Variants in TBC1D12 observed in about 807,000 individuals in gnomAD.
The protein encoded by TBC1D12 is TBC1 domain family member 12, also known as TBC1 domain family, member 12.
Under a neutral mutation model 86.7 loss-of-function variants are expected in TBC1D12, and 56 were observed. The ratio of observed to expected loss-of-function variants is 0.65; its 90% CI spans 0.52 to 0.81. The LOEUF is 0.81. Ranked by LOEUF, TBC1D12 falls within the 30% of genes least tolerant of loss-of-function variation. The pLI is 0.00. For missense variants in TBC1D12, 1,023 were observed against 1,038.8 expected (o/e 0.98, Z 0.21); for synonymous variants, 421 against 411.7 (o/e 1.02, Z -0.27).
At chr10:94,504,972 C>G (rs890540226) in intron 6 of TBC1D12, among the ~76,000 whole-genome samples, 4 of 152,136 alleles carry the variant, frequency 2.6e-5, no homozygotes, top group African/African-American at 7.2e-5. Context: ...TCAAAGTGAA[C>G]TGAGATGCAG....
Position 94,505,149 on chromosome 10 carries a change from G to A in TBC1D12, c.1520-2118G>A, listed in dbSNP as rs544634735. On this transcript the variant is annotated intron_variant, in intron 6 of 12. Coordinates refer to ENST00000225235, the MANE Select transcript of TBC1D12 (RefSeq NM_015188.2). Reference sequence around the variant, plus strand: ...AAAATTTGGGTATAATATTGAAGCTGACTGTCTTAGAACCAGTTTGAATTT... The same window carrying A: ...AAAATTTGGGTATAATATTGAAGCTAACTGTCTTAGAACCAGTTTGAATTT... Among the ~76,000 whole-genome samples, 5 of 152,202 alleles carry A rather than the reference G, an allele frequency of 3.3e-5. No individual in the cohort carries two copies. The South Asian group carries it at 8.3e-4, about 25-fold the overall frequency.
chr10:94,476,196 C>T (rs1428882864), intron 3 of TBC1D12, among the ~76,000 whole-genome samples: 1 of 151,854 alleles, frequency 6.6e-6, no homozygotes, highest in Non-Finnish European at 1.5e-5. Context: ...TTTTTCTACC[C>T]ATTTTCCTGA....
chr10:94,513,336 G>T (rs1319129069), intron 9 of TBC1D12, among the ~76,000 whole-genome samples: 1 of 151,686 alleles, frequency 6.6e-6, no homozygotes, highest in Non-Finnish European at 1.5e-5. Flanking sequence ...CAGGAAGATC[G>T]CTTGAGCCCA....
At chr10:94,450,514 A>G (rs1349246103) in intron 2 of TBC1D12, among the ~76,000 whole-genome samples, 1 of 152,140 alleles carries the variant, frequency 6.6e-6, no homozygotes, top group East Asian at 1.9e-4. Flanking sequence ...AAGGCTCATT[A>G]GCCACGAGGC....
intron 2 of TBC1D12, among the ~76,000 whole-genome samples, chr10:94,469,192 A>G (rs2055866295): frequency 6.6e-6 from 1 of 152,188 alleles, no homozygotes; most frequent in Admixed American, 6.5e-5. Context: ...TACATCCAAC[A>G]AAGAGACCTT....
chr10:94,509,779 A>G (rs958382139), intron 7 of TBC1D12: 1 of 290,720 alleles, frequency 3.4e-6, no homozygotes, highest in Non-Finnish European at 6.4e-6. Flanking sequence ...TAGCTCTCTG[A>G]TGATTTTTTA....
intron 2 of TBC1D12, among the ~76,000 whole-genome samples, chr10:94,467,105 A>C (rs1042379233): frequency 2.6e-5 from 4 of 152,210 alleles, no homozygotes; most frequent in African/African-American, 9.7e-5. Flanking sequence ...CTGCCACTGC[A>C]GTTTGCAGTC....
chr10:94,468,184 A>G (rs1410873517), intron 2 of TBC1D12, among the ~76,000 whole-genome samples: 1 of 152,202 alleles, frequency 6.6e-6, no homozygotes, highest in African/African-American at 2.4e-5. Flanking sequence ...GCTTATTTAC[A>G]TTTACCAGTA....
intron 6 of TBC1D12, among the ~76,000 whole-genome samples, chr10:94,506,383 A>C (rs1277318532): frequency 6.6e-6 from 1 of 152,220 alleles, no homozygotes; most frequent in Non-Finnish European, 1.5e-5. Flanking sequence ...ATTACCTTTA[A>C]AAATGAATAA....
At chr10:94,445,197 A>G (rs2055442836) in intron 2 of TBC1D12, among the ~76,000 whole-genome samples, 1 of 151,472 alleles carries the variant, frequency 6.6e-6, no homozygotes, top group Admixed American at 6.6e-5. Flanking sequence ...CGTCTCTACT[A>G]AAAATATAAA....
chr10:94,477,847 G>C (rs2056015275), intron 3 of TBC1D12, among the ~76,000 whole-genome samples: 1 of 152,196 alleles, frequency 6.6e-6, no homozygotes, highest in Non-Finnish European at 1.5e-5. Context: ...GTGGGGTCTA[G>C]ACCATGTGGG....
chr10:94,422,963 T>C (rs911235681), intron 1 of TBC1D12, among the ~76,000 whole-genome samples: 1 of 152,162 alleles, frequency 6.6e-6, no homozygotes, highest in Admixed American at 6.5e-5. Context: ...GGCTGGGCAC[T>C]GTGGCTCAAG....
At chr10:94,458,379 T>C (rs1330202154) in intron 2 of TBC1D12, among the ~76,000 whole-genome samples, 1 of 152,168 alleles carries the variant, frequency 6.6e-6, no homozygotes, top group African/African-American at 2.4e-5. Flanking sequence ...TTGACCTTGT[T>C]CCTCTCATCC....
chr10:94,423,226 G>A (rs1035474137), intron 1 of TBC1D12, among the ~76,000 whole-genome samples: 3 of 152,042 alleles, frequency 2.0e-5, no homozygotes, highest in African/African-American at 4.8e-5. Flanking sequence ...TCCAAGAGAT[G>A]CTTGGTTTTT....
chr10:94,403,517 G>C lies in TBC1D12; in HGVS notation c.904G>C (p.Glu302Gln). ...GCCGCCGGTGCCCTTGCCCGCCGCG[G>C]AGCAGGGTCCTGCGGGGGCTTCGGC... ...AGPPVPLPAA[E>Q]QGPAGASARA... Residue 302 changes from glutamate (E) to glutamine (Q), a missense_variant, in exon 1 of 13, where the codon GAG becomes CAG. Transcript: ENST00000225235. 3 of 1,563,124 alleles carry C rather than the reference G, an allele frequency of 1.9e-6. No individual in the cohort carries two copies. The highest frequency in any genetic ancestry group is 2.6e-6 in the Non-Finnish European group (3 of 1,159,100).
At chr10:94,433,079 C>T (rs992249350) in intron 1 of TBC1D12, among the ~76,000 whole-genome samples, 4 of 152,038 alleles carry the variant, frequency 2.6e-5, no homozygotes, top group African/African-American at 9.7e-5. Flanking sequence ...GTGGTGTGCA[C>T]CCATAGTCCC....
chr10:94,465,755 T>G (rs948242293), intron 2 of TBC1D12, among the ~76,000 whole-genome samples: 1 of 150,816 alleles, frequency 6.6e-6, no homozygotes. Context: ...CATACATATG[T>G]ATACATACAT....
intron 2 of TBC1D12, among the ~76,000 whole-genome samples, chr10:94,444,464 C>T (rs753948389): frequency 2.6e-5 from 4 of 151,940 alleles, no homozygotes; most frequent in Non-Finnish European, 5.9e-5. Flanking sequence ...TAACGTCTCT[C>T]GTCTAGAATG....
intron 11 of TBC1D12, among the ~76,000 whole-genome samples, 165 bp downstream of exon 11, chr10:94,522,618 A>G (rs1842179317): frequency 6.6e-6 from 1 of 152,194 alleles, no homozygotes; most frequent in Admixed American, 6.5e-5. Context: ...GCATTTGATT[A>G]AGAGCATGGA....
Sources: allele counts gnomAD v4.1 joint callset (sites outside exome capture counted in the v4.1 genomes callset), GRCh38; gene constraint gnomAD v4.1.1; transcripts MANE v1.5; gene names NCBI Gene and HGNC (gene_info 2026-07-23, HGNC 2026-07-21).